Variants in MRPS27 observed in about 807,000 individuals in gnomAD.
The protein encoded by MRPS27 is mitochondrial ribosomal protein S27.
MRPS27 carries 43 observed loss-of-function variants against 48.9 expected under a neutral mutation model. The ratio of observed to expected loss-of-function variants is 0.88; its 90% CI spans 0.69 to 1.13. The LOEUF is 1.13. MRPS27 is among the 50% of genes most tolerant of loss of function. The pLI is 0.00. For missense variants in MRPS27, 467 were observed against 476.3 expected, an observed-to-expected ratio of 0.98 and a Z score of 0.18; for synonymous variants, 188 against 171.9, an observed-to-expected ratio of 1.09 and a Z score of -0.73.
chr5:72,320,011 C>T (rs1047148349), intron 1 of MRPS27, 138 bp downstream of exon 1: 8 of 810,862 alleles, frequency 9.9e-6, no homozygotes, highest in Non-Finnish European at 1.6e-5. Context: ...TTGTCTCCTT[C>T]TTCTGCACTA....
intron 4 of MRPS27, chr5:72,294,832 G>T (rs1031865847): frequency 6.6e-6 from 1 of 151,990 alleles, no homozygotes; most frequent in Non-Finnish European, 1.5e-5. Context: ...TACAGATTGA[G>T]TATCTCTAAT....
intron 5 of MRPS27, among the ~76,000 whole-genome samples, chr5:72,236,055 C>A (rs962901804): frequency 3.3e-5 from 5 of 152,066 alleles, no homozygotes; most frequent in African/African-American, 1.2e-4. Context: ...TTTTGTTAAT[C>A]TGACTTTTGT....
At chr5:72,307,031 A>C (rs1750287931) in intron 2 of MRPS27, among the ~76,000 whole-genome samples, 1 of 152,196 alleles carries the variant, frequency 6.6e-6, no homozygotes, top group Admixed American at 6.5e-5. Context: ...TGATTCAACC[A>C]AATCATAAAA....
intron 4 of MRPS27, among the ~76,000 whole-genome samples, chr5:72,292,915 C>A (rs62364781): frequency 0.23 from 35,583 of 152,000 alleles, 5,328 homozygotes; most frequent in Non-Finnish European, 0.34. Context: ...GTTCCTTTTT[C>A]ATTTCCTCAC....
intron 4 of MRPS27, among the ~76,000 whole-genome samples, chr5:72,244,879 CT>C (rs1748469329): frequency 7.5e-6 from 1 of 133,856 alleles, no homozygotes; most frequent in Non-Finnish European, 1.6e-5. Context: ...TGCTCTCTCT[CT>C]CTCTCTCTCT....
At chr5:72,292,365 C>T (rs1021179987) in intron 4 of MRPS27, among the ~76,000 whole-genome samples, 12 of 151,938 alleles carry the variant, frequency 7.9e-5, no homozygotes, top group Admixed American at 3.3e-4. Context: ...ATTGCCAGCT[C>T]CCAGAGAATA....
chr5:72,313,877 G>T (rs1427251101), intron 2 of MRPS27, among the ~76,000 whole-genome samples: 2 of 152,192 alleles, frequency 1.3e-5, no homozygotes, highest in African/African-American at 4.8e-5. Flanking sequence ...ACTAATCATG[G>T]AGGCAAAAAT....
chr5:72,287,406 G>A (rs767653114), intron 4 of MRPS27, among the ~76,000 whole-genome samples: 16 of 152,186 alleles, frequency 1.1e-4, no homozygotes, highest in Admixed American at 6.5e-4. Flanking sequence ...TTGGGAGGCC[G>A]AGGTAGGCAG....
chr5:72,285,864 C>T (rs1749658943), intron 4 of MRPS27, among the ~76,000 whole-genome samples: 1 of 152,092 alleles, frequency 6.6e-6, no homozygotes, highest in South Asian at 2.1e-4. Context: ...AATATCCTTC[C>T]TTTGAATATA....
intron 5 of MRPS27, among the ~76,000 whole-genome samples, chr5:72,236,924 T>A (rs1295564849): frequency 1.4e-5 from 1 of 71,794 alleles, no homozygotes. Flanking sequence ...TCTTTTTTCC[T>A]TTTTTTTTTT....
intron 7 of MRPS27, among the ~76,000 whole-genome samples, chr5:72,230,680 C>A (rs1748036420): frequency 6.6e-6 from 1 of 152,124 alleles, no homozygotes; most frequent in South Asian, 2.1e-4. Flanking sequence ...TTCCATTAAG[C>A]CCCCAGTTCC....
chr5:72,277,598 G>A (rs762982108), intron 4 of MRPS27, among the ~76,000 whole-genome samples: 11 of 151,032 alleles, frequency 7.3e-5, no homozygotes, highest in Non-Finnish European at 1.5e-4. Flanking sequence ...GTGAGACTCC[G>A]TCTCAAAAAA....
intron 7 of MRPS27, among the ~76,000 whole-genome samples, chr5:72,231,238 T>A (rs531477322): frequency 2.6e-5 from 4 of 152,266 alleles, no homozygotes; most frequent in African/African-American, 9.6e-5. Flanking sequence ...CCATTTCTGC[T>A]CACTAAGTTT....
intron 2 of MRPS27, among the ~76,000 whole-genome samples, chr5:72,298,028 A>G (rs1750025847): frequency 6.6e-6 from 1 of 152,216 alleles, no homozygotes; most frequent in South Asian, 2.1e-4. Flanking sequence ...AGCAATTGCA[A>G]CAAAAACAAA....
Position 72,224,406 on chromosome 5 carries a change from T to C in MRPS27, c.838-556A>G, listed in dbSNP as rs148833543. ...AAATAAGCGAGCTACGAATTATTTG[T>C]ATAAGTGAATCCGCACAATGGCAGC... is the stretch of plus-strand genomic sequence containing the variant. On this transcript the variant is annotated intron_variant, in intron 9 of 10. Coordinates refer to ENST00000261413, the MANE Select transcript of MRPS27 (RefSeq NM_015084.3). 1.2e-4 allele frequency among the ~76,000 whole-genome samples: 18 copies of C among 152,232 alleles called. No homozygotes were observed. The South Asian group carries it at 2.9e-3, about 25-fold the overall frequency.
chr5:72,294,842 T>C (rs1227164718), intron 4 of MRPS27: 2 of 152,062 alleles, frequency 1.3e-5, no homozygotes, highest in African/African-American at 4.8e-5. Context: ...GTATCTCTAA[T>C]TTGAAAAGTT....
At position 72,230,608 on chromosome 5, in the gene MRPS27, C is replaced by T. The variant is rs1293485864; in HGVS notation, c.591+1835G>A. ...TTTCCCTTCTTTTTGCTTTCTAGCT[C>T]ATTTGCAAACATTTACACATGGAAG... On this transcript the variant is annotated intron_variant, in intron 7 of 10. Transcript: ENST00000261413. Among the ~76,000 whole-genome samples, 5 of 152,134 alleles carry T rather than the reference C, an allele frequency of 3.3e-5. No individual in the cohort carries two copies. In the East Asian group the frequency reaches 5.8e-4, roughly 18 times the overall value.
At chr5:72,289,618 T>A (rs192326754) in intron 4 of MRPS27, among the ~76,000 whole-genome samples, 7 of 152,134 alleles carry the variant, frequency 4.6e-5, no homozygotes, top group African/African-American at 1.7e-4. Context: ...GAGATAAGGT[T>A]TGTTATGTTG....
intron 4 of MRPS27, among the ~76,000 whole-genome samples, chr5:72,286,187 T>G (rs1749669034): frequency 6.6e-6 from 1 of 152,220 alleles, no homozygotes; most frequent in Non-Finnish European, 1.5e-5. Context: ...TGTGCGTGTG[T>G]GTATATACCT....
Sources: allele counts gnomAD v4.1 joint callset (sites outside exome capture counted in the v4.1 genomes callset), GRCh38; gene constraint gnomAD v4.1.1; transcripts MANE v1.5; gene names NCBI Gene and HGNC (gene_info 2026-07-23, HGNC 2026-07-21).